EPHA5: variants seen among roughly 807,000 people sequenced by gnomAD.
EPHA5 encodes EPH receptor A5.
A neutral mutation model predicts 105.0 loss-of-function variants in EPHA5; 60 were observed. The observed-to-expected ratio is 0.57, with a 90% CI of 0.46 to 0.71. The LOEUF is 0.71. Among genes scored for constraint, EPHA5 ranks in the 30% least tolerant of loss-of-function variants. EPHA5 has a pLI of 0.00. For missense variants in EPHA5, 1,218 were observed against 1,274.7 expected, an observed-to-expected ratio of 0.96 and a Z score of 0.68; for synonymous variants, 513 against 449.1, an observed-to-expected ratio of 1.14 and a Z score of -1.80.
rs1002517630 is a variant in EPHA5, at chr4:65,322,570, C to T, written c.*1544G>A. 8.5e-5 allele frequency: 19 copies of T among 224,662 alleles called. No homozygotes were observed. The highest frequency in any genetic ancestry group is 2.7e-3 in the Middle Eastern group (2 of 736). 13.9% of individuals were successfully genotyped at this position (224,662 alleles called of 1,614,324 possible). On this transcript the variant is annotated 3_prime_UTR_variant, in exon 17 of 17. Coordinates refer to ENST00000613740, the MANE Select transcript of EPHA5 (RefSeq NM_001281766.3). Reference sequence around the variant, plus strand: ...GTTATCTCAGGAGCTCAGTTTTGGACAATTTCTAATACACTGCATAATTTG... The same window carrying T: ...GTTATCTCAGGAGCTCAGTTTTGGATAATTTCTAATACACTGCATAATTTG...
At chr4:65,398,129 G>A (rs1721433825) in intron 8 of EPHA5, among the ~76,000 whole-genome samples, 1 of 152,150 alleles carries the variant, frequency 6.6e-6, no homozygotes, top group Admixed American at 6.5e-5. Flanking sequence ...TGCTCTCAGG[G>A]GCCTGAGAAG....
intron 15 of EPHA5, among the ~76,000 whole-genome samples, chr4:65,334,218 C>T (rs948231586): frequency 1.3e-5 from 2 of 151,932 alleles, no homozygotes; most frequent in Non-Finnish European, 2.9e-5. Flanking sequence ...TTGCTTAATG[C>T]TGTATCCTCA....
At chr4:65,582,404 A>G (rs1426167627) in intron 3 of EPHA5, among the ~76,000 whole-genome samples, 2 of 151,302 alleles carry the variant, frequency 1.3e-5, no homozygotes, top group Non-Finnish European at 3.0e-5. Flanking sequence ...CTCATAAAAT[A>G]TCTTGTTTTC....
intron 16 of EPHA5, among the ~76,000 whole-genome samples, chr4:65,326,782 T>C (rs763360992): frequency 6.6e-6 from 1 of 151,318 alleles, no homozygotes; most frequent in Non-Finnish European, 1.5e-5. Flanking sequence ...ATGGTTGTAA[T>C]AATATATATG....
rs1029908821 is a variant in EPHA5 at position 65,567,710 on chromosome 4, A to G, written c.910+33931T>C. 2.6e-5 allele frequency among the ~76,000 whole-genome samples: 4 copies of G among 151,672 alleles called. No homozygotes were observed. In the East Asian group the frequency reaches 5.8e-4, roughly 22 times the overall value. On this transcript the variant is annotated intron_variant, in intron 3 of 16. Coordinates refer to ENST00000613740, the MANE Select transcript of EPHA5 (RefSeq NM_001281766.3). ...CTAAATACAGAATATGACTGCACCT[A>G]TTAACCAAAGTGCTTGAGTAGTATG...
chr4:65,465,473 AAGAAAG>A (rs1560566905), intron 5 of EPHA5, among the ~76,000 whole-genome samples: 3 of 94,784 alleles, frequency 3.2e-5, no homozygotes, highest in African/African-American at 1.2e-4. Context: ...AAGAAAAAGA[AAGAAAG>A]AAAGAAAGAA....
intron 14 of EPHA5, among the ~76,000 whole-genome samples, chr4:65,346,386 A>G (rs1722228879): frequency 6.6e-6 from 1 of 151,990 alleles, no homozygotes; most frequent in South Asian, 2.1e-4. Flanking sequence ...CTCTTTTCTT[A>G]AATGGCTTAT....
At chr4:65,326,525 C>T (rs1307164002) in intron 16 of EPHA5, among the ~76,000 whole-genome samples, 1 of 151,336 alleles carries the variant, frequency 6.6e-6, no homozygotes, top group East Asian at 2.0e-4. Flanking sequence ...TTCTGTTATG[C>T]ACTAATATTC....
chr4:65,564,786 T>C (rs4488981), intron 3 of EPHA5, among the ~76,000 whole-genome samples: 137,389 of 151,726 alleles, frequency 0.91, 62,284 homozygotes, highest in Admixed American at 0.93. Flanking sequence ...GGGTGATACA[T>C]ATATACTTTT....
intron 5 of EPHA5, among the ~76,000 whole-genome samples, chr4:65,427,129 T>G (rs9312145): frequency 0.07 from 10,607 of 150,718 alleles, 592 homozygotes; most frequent in African/African-American, 0.15. Context: ...TATTTATATA[T>G]AGAGAGACAA....
chr4:65,584,048 A>G (rs1741895005), intron 3 of EPHA5, among the ~76,000 whole-genome samples: 1 of 151,724 alleles, frequency 6.6e-6, no homozygotes, highest in Admixed American at 6.6e-5. Flanking sequence ...AAGTCAGCTA[A>G]AACTTTAACA....
chr4:65,570,591 T>A (rs1468610568), intron 3 of EPHA5, among the ~76,000 whole-genome samples: 1 of 151,832 alleles, frequency 6.6e-6, no homozygotes, highest in Admixed American at 6.6e-5. Flanking sequence ...TTTGTTACTC[T>A]AGGATAAAAA....
chr4:65,427,096 G>A (rs1439673679), intron 5 of EPHA5, among the ~76,000 whole-genome samples: 5 of 150,518 alleles, frequency 3.3e-5, no homozygotes, highest in South Asian at 2.1e-4. Context: ...ATATATATGC[G>A]AATATACCCA....
intron 5 of EPHA5, among the ~76,000 whole-genome samples, chr4:65,424,254 G>A (rs1305849016): frequency 6.6e-6 from 1 of 152,010 alleles, no homozygotes; most frequent in East Asian, 1.9e-4. Context: ...CCTGTCATCA[G>A]TTGTATAAAA....
At chr4:65,604,600 C>T (rs971142215) in intron 2 of EPHA5, among the ~76,000 whole-genome samples, 19 of 151,990 alleles carry the variant, frequency 1.3e-4, no homozygotes, top group Non-Finnish European at 2.6e-4. Flanking sequence ...GACACATATA[C>T]TAAGAAATTG....
chr4:65,597,091 T>C (rs1743267492), intron 3 of EPHA5, among the ~76,000 whole-genome samples: 1 of 152,180 alleles, frequency 6.6e-6, no homozygotes, highest in South Asian at 2.1e-4. Context: ...AGTTGGACAA[T>C]TAATAAGTAC....
chr4:65,532,665 G>T (rs1735920211), intron 3 of EPHA5, among the ~76,000 whole-genome samples: 3 of 105,026 alleles, frequency 2.9e-5, no homozygotes, highest in East Asian at 3.1e-4. Context: ...AGCTGTATTG[G>T]TTACAGTTTT....
chr4:65,547,221 C>T (rs149784016), intron 3 of EPHA5, among the ~76,000 whole-genome samples: 1 of 151,292 alleles, frequency 6.6e-6, no homozygotes, highest in African/African-American at 2.4e-5. Context: ...TGACTTTTTA[C>T]ACCCTGTGGA....
intron 8 of EPHA5, among the ~76,000 whole-genome samples, chr4:65,400,295 G>A (rs937692301): frequency 5.9e-5 from 9 of 152,126 alleles, no homozygotes; most frequent in Non-Finnish European, 1.2e-4. Flanking sequence ...ATATAAAGAG[G>A]CTTAATTTAT....
Sources: gnomAD v4.1 joint callset for allele counts (sites outside exome capture counted in the v4.1 genomes callset) on GRCh38, gnomAD v4.1.1 for gene constraint, MANE v1.5 for transcripts, NCBI Gene and HGNC (gene_info 2026-07-23, HGNC 2026-07-21) for gene names.